ELMO1: variants seen among roughly 807,000 people sequenced by gnomAD.
ELMO1 encodes the protein engulfment and cell motility 1.
ELMO1 carries 26 observed loss-of-function variants against 98.9 expected under a neutral mutation model. The observed-to-expected ratio is 0.26, with a 90% confidence interval of 0.19 to 0.36. ELMO1 has a LOEUF of 0.36. ELMO1 is among the 10% of genes least tolerant of loss of function. The pLI is 1.00. For synonymous variants in ELMO1, 346 were observed against 346.0 expected (o/e 1.00, Z 0.00); for missense variants, 627 against 935.2 (o/e 0.67, Z 4.30).
chr7:37,045,853 G>A (rs77317834), intron 15 of ELMO1, among the ~76,000 whole-genome samples: 2,372 of 152,198 alleles, frequency 0.016, 72 homozygotes, highest in African/African-American at 0.054. Context: ...ACATTATCTA[G>A]ATAACAACCA....
In ELMO1 at chr7:37,224,932, G is replaced by A; in HGVS notation, c.648C>T (p.Tyr216=). 6.2e-7 allele frequency: 1 copy of A among 1,614,112 alleles called. No homozygotes were observed. Among genetic ancestry groups the A allele is most frequent in the South Asian group, 1.1e-5 (1 of 91,082 alleles). Residue 216 remains tyrosine, a synonymous_variant, in exon 9 of 22, where the codon TAC becomes TAT. Coordinates refer to ENST00000310758, the MANE Select transcript of ELMO1 (RefSeq NM_014800.11). The part of the protein sequence containing the change: ...ESMVLNSHDL[Y]QKVAQEITIG... ...TGGTGATCTCCTGCGCCACTTTCTG[G>A]TAGAGGTCATGGCTATTGAGCACCA... is the stretch of plus-strand genomic sequence containing the variant.
intron 15 of ELMO1, among the ~76,000 whole-genome samples, chr7:37,035,337 T>G (rs563559694): frequency 6.6e-6 from 1 of 152,256 alleles, no homozygotes; most frequent in Non-Finnish European, 1.5e-5. Context: ...TTGCTTTAAG[T>G]TGTCACAGAA....
At chr7:37,278,113 CTTTTTTT>C (rs36110041) in intron 4 of ELMO1, among the ~76,000 whole-genome samples, 6 of 85,604 alleles carry the variant, frequency 7.0e-5, no homozygotes, top group East Asian at 4.2e-4. Flanking sequence ...ATAGCTTTTC[CTTTTTTT>C]TTTTTTTTTT....
At chr7:37,101,214 A>G (rs1478556081) in intron 14 of ELMO1, among the ~76,000 whole-genome samples, 2 of 152,200 alleles carry the variant, frequency 1.3e-5, no homozygotes, top group Admixed American at 1.3e-4. Context: ...AGATAAAAGT[A>G]GGTCCTCACC....
chr7:37,112,341 G>A (rs1462892931), intron 14 of ELMO1, among the ~76,000 whole-genome samples: 1 of 152,090 alleles, frequency 6.6e-6, no homozygotes, highest in Admixed American at 6.5e-5. Context: ...TAAAGGGTGA[G>A]GTTCTGCAGG....
intron 10 of ELMO1, 104 bp from the exon 11 acceptor site, chr7:37,216,799 C>T: frequency 5.4e-6 from 6 of 1,115,112 alleles, no homozygotes; most frequent in Non-Finnish European, 8.1e-6. Context: ...AACTGTATAT[C>T]AGCAGTATTT....
At chr7:37,268,936 G>A (rs1331200749) in intron 5 of ELMO1, among the ~76,000 whole-genome samples, 1 of 152,250 alleles carries the variant, frequency 6.6e-6, no homozygotes, top group Non-Finnish European at 1.5e-5. Flanking sequence ...CAGTGTGTGT[G>A]TGTGCACGCG....
intron 6 of ELMO1, among the ~76,000 whole-genome samples, chr7:37,252,323 T>C (rs1795394855): frequency 6.6e-6 from 1 of 152,216 alleles, no homozygotes; most frequent in Non-Finnish European, 1.5e-5. Context: ...GCTACCTGAC[T>C]TCAAACTATA....
chr7:37,222,281 G>A (rs1033608267), intron 10 of ELMO1, among the ~76,000 whole-genome samples: 1 of 152,126 alleles, frequency 6.6e-6, no homozygotes, highest in Non-Finnish European at 1.5e-5. Context: ...AGGTCGCAGG[G>A]GCTCCTAACT....
At chr7:36,902,146 C>T (rs1364449952) in intron 16 of ELMO1, among the ~76,000 whole-genome samples, 1 of 152,242 alleles carries the variant, frequency 6.6e-6, no homozygotes, top group Admixed American at 6.5e-5. Context: ...AATCACAGCT[C>T]AGCCAGTGTG....
intron 15 of ELMO1, among the ~76,000 whole-genome samples, chr7:37,095,797 T>C (rs1250704744): frequency 2.0e-5 from 3 of 152,208 alleles, no homozygotes; most frequent in Non-Finnish European, 2.9e-5. Context: ...TATTTATGTT[T>C]TCACAGTAAT....
chr7:37,323,615 A>G (rs1249697230), intron 2 of ELMO1, among the ~76,000 whole-genome samples: 3 of 152,206 alleles, frequency 2.0e-5, no homozygotes, highest in African/African-American at 7.2e-5. Context: ...GCTTGGAGCC[A>G]GGAGGCAGAG....
intron 13 of ELMO1, among the ~76,000 whole-genome samples, chr7:37,158,360 G>A (rs545248425): frequency 6.6e-6 from 1 of 152,264 alleles, no homozygotes; most frequent in East Asian, 1.9e-4. Flanking sequence ...TATCATCAGA[G>A]TGAACAGGCA....
intron 17 of ELMO1, among the ~76,000 whole-genome samples, chr7:36,890,250 C>A (rs1805436544): frequency 6.6e-6 from 1 of 152,002 alleles, no homozygotes; most frequent in Non-Finnish European, 1.5e-5. Context: ...GTGTGAAGAG[C>A]AATTCAAAGT....
chr7:37,251,760 G>A (rs1240194739), intron 6 of ELMO1, among the ~76,000 whole-genome samples: 1 of 152,146 alleles, frequency 6.6e-6, no homozygotes, highest in Non-Finnish European at 1.5e-5. Context: ...GAAATAAAGG[G>A]TATTCAAATA....
intron 8 of ELMO1, among the ~76,000 whole-genome samples, chr7:37,228,283 C>T (rs775155004): frequency 4.6e-5 from 7 of 152,336 alleles, no homozygotes; most frequent in East Asian, 3.9e-4. Context: ...CATGTCTCTA[C>T]GTCCAGTTTG....
rs139103698 is a variant in ELMO1, at chr7:36,987,057, T to C, written c.1437+26242A>G. Among the ~76,000 whole-genome samples, 24 of 152,276 alleles carry C rather than the reference T, an allele frequency of 1.6e-4. No homozygotes were observed. In the East Asian group the frequency reaches 3.1e-3, roughly 20 times the overall value. ...GCACTGCGGTGGTTCCTAGCCAACCTTTGGAATGAAGCGATTACACTGGCG... is the reference window on the plus strand; with the variant it reads ...GCACTGCGGTGGTTCCTAGCCAACCCTTGGAATGAAGCGATTACACTGGCG... On this transcript the variant is annotated intron_variant, in intron 16 of 21. Coordinates refer to ENST00000310758, the MANE Select transcript of ELMO1 (RefSeq NM_014800.11).
chr7:37,084,900 G>A (rs964460650), intron 15 of ELMO1, among the ~76,000 whole-genome samples: 18 of 152,032 alleles, frequency 1.2e-4, no homozygotes, highest in Non-Finnish European at 1.9e-4. Context: ...GGGATTACAG[G>A]CTCCCACCAG....
chr7:37,372,453 T>C (rs4723645), intron 1 of ELMO1, among the ~76,000 whole-genome samples: 89,888 of 151,940 alleles, frequency 0.59, 26,858 homozygotes, highest in East Asian at 0.71. Flanking sequence ...GTCCCTGGTA[T>C]ATACTACATG....
Sources: gnomAD v4.1 joint callset for allele counts (sites outside exome capture counted in the v4.1 genomes callset) on GRCh38, gnomAD v4.1.1 for gene constraint, MANE v1.5 for transcripts, NCBI Gene and HGNC (gene_info 2026-07-23, HGNC 2026-07-21) for gene names.